PLXNA2: variants seen among roughly 807,000 people sequenced by gnomAD.
PLXNA2 encodes plexin-A2.
PLXNA2 carries 91 observed loss-of-function variants against 193.5 expected under a neutral mutation model. That is an observed-to-expected ratio of 0.47 (90% CI 0.40 to 0.56). The LOEUF (loss-of-function observed/expected upper bound fraction) is 0.56. Ranked by LOEUF, PLXNA2 falls within the 20% of genes least tolerant of loss-of-function variation. PLXNA2 has a pLI of 0.00. For synonymous variants in PLXNA2, 997 were observed against 1,027.3 expected, an observed-to-expected ratio of 0.97 and a Z score of 0.56; for missense variants, 1,995 against 2,503.2, an observed-to-expected ratio of 0.80 and a Z score of 4.33.
At chr1:208,170,971 G>A (rs953858685) in intron 3 of PLXNA2, among the ~76,000 whole-genome samples, 1 of 152,232 alleles carries the variant, frequency 6.6e-6, no homozygotes, top group African/African-American at 2.4e-5. Flanking sequence ...ATAGAGGATG[G>A]TCTTGCAGGA....
chr1:208,193,928 GA>G (rs1670268502), intron 3 of PLXNA2, among the ~76,000 whole-genome samples: 1 of 151,738 alleles, frequency 6.6e-6, no homozygotes, highest in South Asian at 2.1e-4. Flanking sequence ...AATAAATAAC[GA>G]AAAATTTTAT....
intron 31 of PLXNA2, 131 bp from the exon 32 acceptor site, chr1:208,027,469 T>A: frequency 4.8e-6 from 3 of 624,362 alleles, no homozygotes; most frequent in East Asian, 5.8e-5. Context: ...TTAAATAATT[T>A]AAATGATTAA....
At chr1:208,030,903 C>T (rs1292136454) in intron 29 of PLXNA2, 10 of 985,878 alleles carry the variant, frequency 1.0e-5, no homozygotes, top group Non-Finnish European at 1.2e-5. Flanking sequence ...AGGATAAAGT[C>T]TCATACCAGG....
intron 3 of PLXNA2, among the ~76,000 whole-genome samples, chr1:208,144,970 GTC>G (rs1181525546): frequency 6.6e-6 from 1 of 152,114 alleles, no homozygotes; most frequent in Non-Finnish European, 1.5e-5. Context: ...AAGAATAAGA[GTC>G]TCTGTGTGGG....
intron 3 of PLXNA2, among the ~76,000 whole-genome samples, chr1:208,153,390 C>A (rs1163737763): frequency 2.6e-5 from 4 of 152,146 alleles, no homozygotes; most frequent in Non-Finnish European, 4.4e-5. Context: ...CTTGGGTCTT[C>A]ATTTCTCTAG....
intron 3 of PLXNA2, among the ~76,000 whole-genome samples, chr1:208,195,694 G>T (rs79921446): frequency 0.025 from 3,730 of 151,872 alleles, 140 homozygotes; most frequent in African/African-American, 0.082. Context: ...CATAAAAAGC[G>T]TAATGGACTA....
intron 6 of PLXNA2, among the ~76,000 whole-genome samples, chr1:208,098,432 C>CCT (rs200790325): frequency 0.02 from 2,743 of 137,218 alleles, 74 homozygotes; most frequent in African/African-American, 0.057. Context: ...CTTATTCTTT[C>CCT]CTCTCTCTCT....
At position 208,048,345 on chromosome 1, in the gene PLXNA2, C is replaced by T. The variant is rs546110677; in HGVS notation, c.3256-2228G>A. Among the ~76,000 whole-genome samples, 4 of 152,306 alleles carry T rather than the reference C, an allele frequency of 2.6e-5. 1 individual carries two copies. The South Asian group carries it at 8.3e-4, about 32-fold the overall frequency. On this transcript the variant is annotated intron_variant, in intron 17 of 31. Coordinates refer to ENST00000367033, the MANE Select transcript of PLXNA2 (RefSeq NM_025179.4). ...GCCCAACCAGGCAGGGCTTCAGGGG[C>T]AAAGTGCCTCTCTCCTACCATTCCT...
chr1:208,207,331 C>A (rs1670764194), intron 3 of PLXNA2, among the ~76,000 whole-genome samples: 1 of 152,192 alleles, frequency 6.6e-6, no homozygotes, highest in Admixed American at 6.5e-5. Context: ...GGGGACTTAA[C>A]CTTATTCTGT....
intron 3 of PLXNA2, among the ~76,000 whole-genome samples, chr1:208,194,518 C>T (rs1192940936): frequency 6.7e-6 from 1 of 150,352 alleles, no homozygotes; most frequent in Non-Finnish European, 1.5e-5. Context: ...ATAATATCTA[C>T]CATCTCCAGC....
At chr1:208,176,299 G>A (rs1669659475) in intron 3 of PLXNA2, among the ~76,000 whole-genome samples, 1 of 152,134 alleles carries the variant, frequency 6.6e-6, no homozygotes. Flanking sequence ...GGTAAGAAGA[G>A]GCTGTCACCC....
intron 3 of PLXNA2, among the ~76,000 whole-genome samples, chr1:208,169,579 G>A (rs1231908026): frequency 2.0e-5 from 3 of 152,206 alleles, no homozygotes; most frequent in African/African-American, 7.2e-5. Context: ...ACAAAGGGCT[G>A]GAGCACCAGG....
intron 1 of PLXNA2, among the ~76,000 whole-genome samples, chr1:208,238,933 C>T (rs1178968707): frequency 1.3e-5 from 2 of 152,158 alleles, no homozygotes; most frequent in Non-Finnish European, 2.9e-5. Context: ...TGCACTCCCT[C>T]CCTGCCACCC....
chr1:208,225,824 C>T (rs923422154), intron 1 of PLXNA2, among the ~76,000 whole-genome samples: 4 of 152,202 alleles, frequency 2.6e-5, no homozygotes, highest in African/African-American at 7.2e-5. Flanking sequence ...CCTTCCCTCA[C>T]AGCCATCAGA....
At chr1:208,129,237 G>T (rs1170138429) in intron 4 of PLXNA2, among the ~76,000 whole-genome samples, 3 of 152,200 alleles carry the variant, frequency 2.0e-5, no homozygotes, top group African/African-American at 7.2e-5. Flanking sequence ...GATTGGCAAG[G>T]TTACAACGGG....
At chr1:208,029,099 GC>G in intron 29 of PLXNA2, 57 bp from the exon 30 acceptor site, 2 of 1,598,888 alleles carry the variant, frequency 1.3e-6, no homozygotes, top group Non-Finnish European at 1.7e-6. Flanking sequence ...CCCTTCTGCT[GC>G]CCACTGATAT....
chr1:208,024,967 G>C lies in PLXNA2; in HGVS notation c.*2276C>G, dbSNP rs1664297764. The stretch of plus-strand genomic sequence containing the variant: ...TAAATTATGGGCTCTGCGCTGATAA[G>C]CTTTGAGTGCTATGAAGAGCAAACA... On this transcript the variant is annotated 3_prime_UTR_variant, in exon 32 of 32. Transcript: ENST00000367033. 6.6e-6 allele frequency: 1 copy of C among 152,560 alleles called. No homozygotes were observed. The highest frequency in any genetic ancestry group is 1.5e-5 in the Non-Finnish European group (1 of 68,046). The allele number at this position is 152,560 out of a possible 1,614,324, so 9.5% of individuals were successfully genotyped here.
At chr1:208,148,567 A>G (rs957808251) in intron 3 of PLXNA2, among the ~76,000 whole-genome samples, 2 of 152,248 alleles carry the variant, frequency 1.3e-5, no homozygotes, top group African/African-American at 4.8e-5. Flanking sequence ...GTTATTAGCT[A>G]TGAATGTCAG....
intron 1 of PLXNA2, among the ~76,000 whole-genome samples, chr1:208,221,337 C>T (rs1671325878): frequency 6.6e-6 from 1 of 150,668 alleles, no homozygotes; most frequent in East Asian, 2.0e-4. Flanking sequence ...TTTTTTGCTC[C>T]AACCTGGAGA....
Sources: allele counts gnomAD v4.1 joint callset (sites outside exome capture counted in the v4.1 genomes callset), GRCh38; gene constraint gnomAD v4.1.1; transcripts MANE v1.5; gene names NCBI Gene and HGNC (gene_info 2026-07-23, HGNC 2026-07-21).